Variants in SUGCT observed in about 807,000 individuals in gnomAD.
SUGCT encodes the protein succinyl-CoA:glutarate-CoA transferase.
Under a neutral mutation model 55.0 loss-of-function variants are expected in SUGCT, and 41 were observed. The ratio of observed to expected loss-of-function variants is 0.74; its 90% CI spans 0.58 to 0.97. The LOEUF is 0.97. SUGCT is among the 50% of genes least tolerant of loss of function. The pLI is 0.00. For missense variants in SUGCT, 568 were observed against 547.8 expected (o/e 1.04, Z -0.37); for synonymous variants, 187 against 200.4 (o/e 0.93, Z 0.56).
In SUGCT at chr7:40,257,923, G is replaced by A. The variant is rs1375575573; in HGVS notation, c.577-16590G>A. ...TTTAAGTATCATGAACAATATAGCA[G>A]GAGTATAGATTGGGATAATGGTTTT... On this transcript the variant is annotated intron_variant, in intron 7 of 13. Coordinates refer to ENST00000335693, the MANE Select transcript of SUGCT (RefSeq NM_001193313.2). 4.6e-5 allele frequency among the ~76,000 whole-genome samples: 7 copies of A among 152,206 alleles called. No homozygotes were observed. In the East Asian group the frequency reaches 1.4e-3, roughly 29 times the overall value.
chr7:40,217,266 A>G, intron 6 of SUGCT: 1 of 272,136 alleles, frequency 3.7e-6, no homozygotes, highest in South Asian at 2.8e-5. Flanking sequence ...CTGGAGTGTC[A>G]TGGCGCCATC....
the SUGCT span, among the ~76,000 whole-genome samples, chr7:40,881,511 C>T: frequency 6.6e-6 from 1 of 152,200 alleles, no homozygotes; most frequent in African/African-American, 2.4e-5. Flanking sequence ...GTCATCTGAG[C>T]AACAGCCACT....
chr7:40,647,481 C>A (rs1222407655), intron 12 of SUGCT, among the ~76,000 whole-genome samples: 1 of 152,086 alleles, frequency 6.6e-6, no homozygotes, highest in Admixed American at 6.6e-5. Flanking sequence ...TGAGCAAAAA[C>A]CTTTCTAAAA....
intron 12 of SUGCT, among the ~76,000 whole-genome samples, chr7:40,591,545 C>G (rs1797718594): frequency 6.6e-6 from 1 of 152,110 alleles, no homozygotes; most frequent in South Asian, 2.1e-4. Flanking sequence ...GAATTGATGC[C>G]AATTTTGAAA....
intron 12 of SUGCT, among the ~76,000 whole-genome samples, chr7:40,497,537 T>C (rs1792049781): frequency 1.3e-5 from 2 of 152,180 alleles, no homozygotes; most frequent in African/African-American, 4.8e-5. Context: ...TGGTGTGTAC[T>C]ATGTGAATTC....
At chr7:40,425,345 A>G (rs1787533102) in intron 9 of SUGCT, among the ~76,000 whole-genome samples, 2 of 152,044 alleles carry the variant, frequency 1.3e-5, no homozygotes. Context: ...CAATCCTCCT[A>G]TCAGGATCTC....
At chr7:40,785,004 C>A (rs1341479923) in intron 13 of SUGCT, among the ~76,000 whole-genome samples, 1 of 152,134 alleles carries the variant, frequency 6.6e-6, no homozygotes, top group African/African-American at 2.4e-5. Context: ...TTCTAAGCAG[C>A]CTCAATAATT....
At chr7:40,735,207 C>T (rs1787094117) in intron 12 of SUGCT, among the ~76,000 whole-genome samples, 1 of 152,204 alleles carries the variant, frequency 6.6e-6, no homozygotes, top group African/African-American at 2.4e-5. Context: ...AAAGGCCCCA[C>T]TGCCAAGAAG....
rs1797905534 is a variant in SUGCT at position 40,594,610 on chromosome 7, C to T, written c.1089+98224C>T. ...GAGTCAAACTATGGCCCCAGATTTA[C>T]CTGTGAATCTCTTACCATGAACTTC... On this transcript the variant is annotated intron_variant, in intron 12 of 13. Transcript: ENST00000335693. 2.0e-5 allele frequency among the ~76,000 whole-genome samples: 3 copies of T among 152,184 alleles called. No homozygotes were observed. In the South Asian group the frequency reaches 6.2e-4, roughly 32 times the overall value.
At chr7:40,611,262 T>G (rs1453137438) in intron 12 of SUGCT, among the ~76,000 whole-genome samples, 3 of 152,342 alleles carry the variant, frequency 2.0e-5, no homozygotes, top group African/African-American at 7.2e-5. Flanking sequence ...AGTCGTTCCC[T>G]GTGTAAAGTA....
intron 12 of SUGCT, among the ~76,000 whole-genome samples, chr7:40,514,977 G>A (rs1300653178): frequency 5.9e-5 from 9 of 152,158 alleles, no homozygotes; most frequent in African/African-American, 1.7e-4. Context: ...GAGAGGTCTC[G>A]TGGACTTCTC....
chr7:40,364,684 G>A (rs1034058793), intron 9 of SUGCT, among the ~76,000 whole-genome samples: 6 of 152,040 alleles, frequency 3.9e-5, no homozygotes, highest in Non-Finnish European at 5.9e-5. Flanking sequence ...CAGTAGATCC[G>A]CTGTTAGTCT....
chr7:40,202,957 G>C (rs115973940), intron 6 of SUGCT, among the ~76,000 whole-genome samples: 1 of 152,126 alleles, frequency 6.6e-6, no homozygotes, highest in African/African-American at 2.4e-5. Context: ...GCTTTTAGCC[G>C]ATGTAGCCAT....
At chr7:40,698,303 TAGGC>T (rs1785026919) in intron 12 of SUGCT, among the ~76,000 whole-genome samples, 1 of 151,982 alleles carries the variant, frequency 6.6e-6, no homozygotes, top group Non-Finnish European at 1.5e-5. Flanking sequence ...CCAGAAGAGG[TAGGC>T]AGGGCCAGAC....
intron 12 of SUGCT, among the ~76,000 whole-genome samples, chr7:40,636,798 A>T (rs2151817851): frequency 6.6e-6 from 1 of 150,436 alleles, no homozygotes; most frequent in East Asian, 1.9e-4. Context: ...CAATTTAAAA[A>T]GCCATATTGT....
chr7:40,811,043 T>C (rs1343588891), intron 13 of SUGCT, among the ~76,000 whole-genome samples: 2 of 152,250 alleles, frequency 1.3e-5, no homozygotes, highest in African/African-American at 4.8e-5. Flanking sequence ...CTTATTTTAG[T>C]TAACTTTGAG....
chr7:40,926,522 C>T, the SUGCT span, among the ~76,000 whole-genome samples: 1 of 152,094 alleles, frequency 6.6e-6, no homozygotes, highest in Non-Finnish European at 1.5e-5. Context: ...GTGTAATGGA[C>T]CAAATGTTTG....
chr7:40,166,196 T>G (rs1392114585), intron 1 of SUGCT, among the ~76,000 whole-genome samples: 1 of 152,218 alleles, frequency 6.6e-6, no homozygotes. Context: ...ACACTTTATA[T>G]ACAACATTTC....
At chr7:40,298,852 T>TAA (rs1794343542) in intron 8 of SUGCT, among the ~76,000 whole-genome samples, 1 of 152,116 alleles carries the variant, frequency 6.6e-6, no homozygotes, top group African/African-American at 2.4e-5. Flanking sequence ...TCACTAGAAA[T>TAA]AAAAAGTTCC....
Sources: allele counts gnomAD v4.1 joint callset (sites outside exome capture counted in the v4.1 genomes callset), GRCh38; gene constraint gnomAD v4.1.1; transcripts MANE v1.5; gene names NCBI Gene and HGNC (gene_info 2026-07-23, HGNC 2026-07-21).